The following TRIM9 variants were observed in gnomAD, a reference collection of about 807,000 sequenced individuals.
TRIM9 encodes the protein tripartite motif containing 9.
Under a neutral mutation model 78.3 loss-of-function variants are expected in TRIM9, and 26 were observed. That is an observed-to-expected ratio of 0.33 (90% CI 0.24 to 0.46). TRIM9 has a LOEUF of 0.46. Among genes scored for constraint, TRIM9 ranks in the 20% least tolerant of loss-of-function variants. TRIM9 has a pLI of 1.00. For synonymous variants in TRIM9, 398 were observed against 416.5 expected (o/e 0.96, Z 0.54); for missense variants, 787 against 1,036.4 (o/e 0.76, Z 3.30).
chr14:51,022,473 A>C (rs1040198502), intron 3 of TRIM9, among the ~76,000 whole-genome samples: 5 of 152,334 alleles, frequency 3.3e-5, no homozygotes, highest in African/African-American at 1.2e-4. Flanking sequence ...ATAATCACCC[A>C]GTCTGTGGGA....
chr14:51,032,073 T>C (rs932202454), intron 1 of TRIM9, among the ~76,000 whole-genome samples: 1 of 152,234 alleles, frequency 6.6e-6, no homozygotes. Context: ...CAAAAGCTAA[T>C]GCATAGTGAC....
intron 1 of TRIM9, among the ~76,000 whole-genome samples, chr14:51,077,398 T>C (rs1273299270): frequency 3.2e-5 from 3 of 93,760 alleles, no homozygotes. Flanking sequence ...TTTTTTTTTT[T>C]TTTTTTTTTT....
intron 11 of TRIM9, among the ~76,000 whole-genome samples, chr14:50,980,998 A>C (rs1374168784): frequency 6.7e-6 from 1 of 149,990 alleles, no homozygotes; most frequent in Non-Finnish European, 1.5e-5. Context: ...TTTTTTTCAG[A>C]GACACTAATG....
chr14:51,089,900 A>T (rs2064147906), intron 1 of TRIM9: 1 of 152,204 alleles, frequency 6.6e-6, no homozygotes, highest in Admixed American at 6.5e-5. Context: ...GGTTGTGTTG[A>T]ACTGAAATTA....
chr14:51,029,289 C>T (rs1317950258), intron 1 of TRIM9, among the ~76,000 whole-genome samples: 3 of 152,254 alleles, frequency 2.0e-5, no homozygotes, highest in Admixed American at 6.5e-5. Flanking sequence ...ACAGAGGAGG[C>T]GGCAAACAAG....
At chr14:51,017,726 T>C (rs2057349310) in intron 3 of TRIM9, among the ~76,000 whole-genome samples, 1 of 152,204 alleles carries the variant, frequency 6.6e-6, no homozygotes, top group South Asian at 2.1e-4. Flanking sequence ...AGGTAAGAGG[T>C]GTCACCCATA....
At chr14:50,987,311 A>T (rs2052846005) in intron 7 of TRIM9, among the ~76,000 whole-genome samples, 1 of 152,228 alleles carries the variant, frequency 6.6e-6, no homozygotes, top group South Asian at 2.1e-4. Context: ...AAATAACTGG[A>T]GCACGTGTGT....
intron 1 of TRIM9, among the ~76,000 whole-genome samples, chr14:51,093,004 A>C (rs4901077): frequency 0.022 from 3,403 of 152,200 alleles, 79 homozygotes; most frequent in African/African-American, 0.06. Context: ...ATGAACACCA[A>C]ATGCAAAGGC....
At chr14:51,027,019 A>G (rs925699825) in intron 1 of TRIM9, among the ~76,000 whole-genome samples, 2 of 152,070 alleles carry the variant, frequency 1.3e-5, no homozygotes, top group Non-Finnish European at 2.9e-5. Context: ...GAGGAAGAAT[A>G]CTATTCTTGG....
At chr14:50,982,685 C>A in intron 10 of TRIM9, 1 of 488,998 alleles carries the variant, frequency 2.0e-6, no homozygotes, top group East Asian at 3.0e-5. Flanking sequence ...AGGTTGCTGT[C>A]TGCATAACTT....
At chr14:51,015,505 CTTTTTTTTTTTT>C (rs369652663) in intron 3 of TRIM9, among the ~76,000 whole-genome samples, 13 of 61,326 alleles carry the variant, frequency 2.1e-4, no homozygotes, top group Admixed American at 2.2e-4. Flanking sequence ...CTTTACTTTT[CTTTTTTTTTTTT>C]TTTTTTTTTT....
At chr14:51,073,369 C>T (rs1365701387) in intron 1 of TRIM9, among the ~76,000 whole-genome samples, 1 of 152,178 alleles carries the variant, frequency 6.6e-6, no homozygotes. Context: ...AGCTGCACTA[C>T]TCTTAGTAGC....
intron 1 of TRIM9, among the ~76,000 whole-genome samples, chr14:51,039,570 AAC>A (rs1348483971): frequency 6.6e-6 from 1 of 152,166 alleles, no homozygotes; most frequent in African/African-American, 2.4e-5. Flanking sequence ...GAAGTTCAAG[AAC>A]AGTTTGATGG....
chr14:50,997,532 G>A, intron 7 of TRIM9: 2 of 986,960 alleles, frequency 2.0e-6, no homozygotes, highest in Non-Finnish European at 2.4e-6. Flanking sequence ...GCCAGGAGCA[G>A]CCAACAGGCC....
chr14:51,012,247 G>A (rs1190865509), intron 3 of TRIM9, among the ~76,000 whole-genome samples: 1 of 151,898 alleles, frequency 6.6e-6, no homozygotes, highest in African/African-American at 2.4e-5. Context: ...CTTCCTCCCA[G>A]CCCCTGGCAA....
chr14:51,026,071 G>A (rs1270014175), intron 1 of TRIM9, among the ~76,000 whole-genome samples: 1 of 152,156 alleles, frequency 6.6e-6, no homozygotes, highest in Non-Finnish European at 1.5e-5. Flanking sequence ...CAGCCTCCTC[G>A]TCCGCTGGGG....
intron 1 of TRIM9, among the ~76,000 whole-genome samples, chr14:51,080,364 G>A (rs2063185581): frequency 6.6e-6 from 1 of 151,674 alleles, no homozygotes. Context: ...GAAAGAAAAT[G>A]TGATTATGGG....
At chr14:51,080,630 C>T (rs557359315) in intron 1 of TRIM9, among the ~76,000 whole-genome samples, 4 of 152,168 alleles carry the variant, frequency 2.6e-5, no homozygotes, top group Non-Finnish European at 5.9e-5. Context: ...AGCAAATGAT[C>T]TTCAAGATCC....
At chr14:50,995,993 T>C in intron 7 of TRIM9, 1 of 650,126 alleles carries the variant, frequency 1.5e-6, no homozygotes, top group Non-Finnish European at 1.9e-6. Flanking sequence ...CACTATATTT[T>C]TTCTTGCTTT....
Sources: allele counts gnomAD v4.1 joint callset (sites outside exome capture counted in the v4.1 genomes callset), GRCh38; gene constraint gnomAD v4.1.1; transcripts MANE v1.5; gene names NCBI Gene and HGNC (gene_info 2026-07-23, HGNC 2026-07-21).